Variants in MGMT observed in about 807,000 individuals in gnomAD.
The protein encoded by MGMT is O-6-methylguanine-DNA methyltransferase.
A neutral mutation model predicts 15.9 loss-of-function variants in MGMT; 14 were observed. The observed-to-expected ratio is 0.88, with a 90% CI of 0.58 to 1.37. MGMT has a LOEUF of 1.37. MGMT is among the 40% of genes most tolerant of loss of function. The pLI, the probability that MGMT is intolerant of heterozygous loss-of-function variation, is 0.00. For missense variants in MGMT, 282 were observed against 268.1 expected (o/e 1.05, Z -0.36); for synonymous variants, 130 against 118.2 (o/e 1.10, Z -0.65).
chr10:129,676,132 G>A (rs1847782874), intron 2 of MGMT, among the ~76,000 whole-genome samples: 1 of 152,196 alleles, frequency 6.6e-6, no homozygotes, highest in South Asian at 2.1e-4. Flanking sequence ...GGGAGTCGGG[G>A]TGAAGCCACC....
intron 2 of MGMT, among the ~76,000 whole-genome samples, chr10:129,577,966 C>A (rs1042460101): frequency 3.9e-5 from 6 of 152,120 alleles, no homozygotes; most frequent in Admixed American, 3.9e-4. Context: ...AGAAATGCAA[C>A]TCAAAACCAC....
chr10:129,536,291 C>A lies in MGMT; in HGVS notation c.39C>A (p.Asp13Glu), dbSNP rs1564845409. The A allele has an allele frequency of 6.2e-7, 1 of 1,614,128 alleles. No homozygotes were observed. The highest frequency in any genetic ancestry group is 8.5e-7 in the Non-Finnish European group (1 of 1,180,038). ...GTGAAATGAAACGCACCACACTGGA[C>A]AGCCCTTTGGGGAAGCTGGAGCTGT... ...KDCEMKRTTLDSPLGKLELSG... is the reference protein window; with the variant it reads ...KDCEMKRTTLESPLGKLELSG... The change falls in exon 2 of 5, where the codon GAC (aspartate) becomes GAA (glutamate). Residue 13 changes from aspartate to glutamate, a missense_variant. Transcript: ENST00000651593.
At chr10:129,481,904 C>T (rs1435847540) in intron 1 of MGMT, among the ~76,000 whole-genome samples, 2 of 152,124 alleles carry the variant, frequency 1.3e-5, no homozygotes, top group Admixed American at 6.5e-5. Flanking sequence ...ATTTTTCTCT[C>T]TTACTGATTT....
intron 2 of MGMT, among the ~76,000 whole-genome samples, chr10:129,613,784 T>C (rs1398366494): frequency 1.3e-5 from 2 of 152,202 alleles, no homozygotes; most frequent in East Asian, 3.9e-4. Flanking sequence ...CGTCACGCAG[T>C]GTCATGAGAC....
At chr10:129,685,195 A>G (rs1183827792) in intron 2 of MGMT, among the ~76,000 whole-genome samples, 1 of 152,228 alleles carries the variant, frequency 6.6e-6, no homozygotes, top group Non-Finnish European at 1.5e-5. Context: ...TATGTGTCAA[A>G]TGTATGAATT....
chr10:129,569,645 G>A (rs1269435719), intron 2 of MGMT, among the ~76,000 whole-genome samples: 1 of 152,120 alleles, frequency 6.6e-6, no homozygotes, highest in Non-Finnish European at 1.5e-5. Flanking sequence ...GCCAGTTGCT[G>A]ACAACCTTGG....
chr10:129,577,162 C>A (rs1248440618), intron 2 of MGMT, among the ~76,000 whole-genome samples: 1 of 152,172 alleles, frequency 6.6e-6, no homozygotes, highest in Non-Finnish European at 1.5e-5. Flanking sequence ...CAATGACTTT[C>A]TTCACAGAAT....
intron 3 of MGMT, among the ~76,000 whole-genome samples, chr10:129,730,849 A>C (rs1483321927): frequency 6.6e-6 from 1 of 152,234 alleles, no homozygotes; most frequent in East Asian, 1.9e-4. Context: ...AATTATTCAC[A>C]TTCATACCAG....
At chr10:129,528,446 G>A (rs1324306541) in intron 1 of MGMT, among the ~76,000 whole-genome samples, 1 of 151,840 alleles carries the variant, frequency 6.6e-6, no homozygotes, top group Non-Finnish European at 1.5e-5. Context: ...CACTGTGCAG[G>A]CTGGGAAGGA....
rs1848374245 is a variant in MGMT, at chr10:129,721,774, G to T, written c.274+13731G>T. 4.0e-5 allele frequency among the ~76,000 whole-genome samples: 6 copies of T among 151,578 alleles called. No individual in the cohort carries two copies. In the South Asian group the frequency reaches 1.3e-3, roughly 32 times the overall value. On this transcript the variant is annotated intron_variant, in intron 3 of 4. Coordinates refer to ENST00000651593, the MANE Select transcript of MGMT (RefSeq NM_002412.5). ...AAAATAACCAGAATCTATAGCTCAT[G>T]GGCCAACAGAAAAGATAAAATAGAA... is the stretch of plus-strand genomic sequence containing the variant.
At chr10:129,528,814 G>A (rs939214378) in intron 1 of MGMT, among the ~76,000 whole-genome samples, 8 of 152,296 alleles carry the variant, frequency 5.3e-5, no homozygotes, top group Middle Eastern at 3.4e-3. Context: ...AAGGGTAGGG[G>A]ATGGTGCCAT....
At chr10:129,679,437 C>T (rs1213996098) in intron 2 of MGMT, among the ~76,000 whole-genome samples, 1 of 152,048 alleles carries the variant, frequency 6.6e-6, no homozygotes, top group African/African-American at 2.4e-5. Context: ...GCGTTTTTTT[C>T]ACAAACACAT....
At chr10:129,487,161 C>T (rs1845417099) in intron 1 of MGMT, among the ~76,000 whole-genome samples, 1 of 152,012 alleles carries the variant, frequency 6.6e-6, no homozygotes, top group African/African-American at 2.4e-5. Flanking sequence ...AATTAGGTGC[C>T]CTGCATAAGT....
rs558178891 is a variant in MGMT at position 129,669,062 on chromosome 10, C to T, written c.126-38833C>T. Among the ~76,000 whole-genome samples the T allele has an allele frequency of 5.3e-5, 8 of 152,248 alleles. No individual in the cohort carries two copies. The East Asian group carries it at 1.5e-3, about 29-fold the overall frequency. ...GTTATGCATTTATTAATTGGCAGTG[C>T]TTCCTTAAGTGTTTGTTGGAGCATG... On this transcript the variant is annotated intron_variant, in intron 2 of 4. Transcript: ENST00000651593.
chr10:129,654,080 C>T (rs570516535), intron 2 of MGMT, among the ~76,000 whole-genome samples: 5 of 152,318 alleles, frequency 3.3e-5, no homozygotes, highest in East Asian at 3.9e-4. Context: ...GCACCCTCCA[C>T]GCCTGTCTGT....
At chr10:129,725,750 C>T (rs1449216329) in intron 3 of MGMT, among the ~76,000 whole-genome samples, 2 of 152,208 alleles carry the variant, frequency 1.3e-5, no homozygotes, top group African/African-American at 4.8e-5. Context: ...ACAGCTCACA[C>T]ATCCACGTAA....
Position 129,545,447 on chromosome 10 carries a change from T to C in MGMT, c.125+9070T>C, listed in dbSNP as rs146931584. On this transcript the variant is annotated intron_variant, in intron 2 of 4. Transcript: ENST00000651593. ...TGTCCTCGTGATATCACTCGCCTAC[T>C]GTACACATGAGTCATTGTAAAGTTA... Among the ~76,000 whole-genome samples, 534 of 152,370 alleles carry C rather than the reference T, an allele frequency of 3.5e-3. 1 individual carries two copies. The highest frequency in any genetic ancestry group is 5.9e-3 in the Non-Finnish European group (401 of 68,040).
chr10:129,758,134 G>T (rs1181753128), intron 3 of MGMT, among the ~76,000 whole-genome samples: 1 of 152,098 alleles, frequency 6.6e-6, no homozygotes. Flanking sequence ...TTTTTTCCCA[G>T]TGAAGTGATT....
At chr10:129,694,515 CTTT>C (rs1848008122) in intron 2 of MGMT, among the ~76,000 whole-genome samples, 1 of 152,174 alleles carries the variant, frequency 6.6e-6, no homozygotes, top group Non-Finnish European at 1.5e-5. Flanking sequence ...TGCCAGCCTT[CTTT>C]GAGTAGAAAT....
Sources: allele counts gnomAD v4.1 joint callset (sites outside exome capture counted in the v4.1 genomes callset), GRCh38; gene constraint gnomAD v4.1.1; transcripts MANE v1.5; gene names NCBI Gene and HGNC (gene_info 2026-07-23, HGNC 2026-07-21).